Variants in ADGRB3 observed in about 807,000 individuals in gnomAD.
The protein encoded by ADGRB3 is adhesion G protein-coupled receptor B3.
A neutral mutation model predicts 193.4 loss-of-function variants in ADGRB3; 37 were observed. That is an observed-to-expected ratio of 0.19 (90% CI 0.15 to 0.25). The LOEUF (loss-of-function observed/expected upper bound fraction) is 0.25, where lower values mean the gene tolerates loss of function less well. Among genes scored for constraint, ADGRB3 ranks in the 10% least tolerant of loss-of-function variants. ADGRB3 has a pLI of 1.00. For synonymous variants in ADGRB3, 690 were observed against 644.2 expected (o/e 1.07, Z -1.08); for missense variants, 1,637 against 1,852.9 (o/e 0.88, Z 2.14).
At chr6:68,715,623 A>G (rs1277328481) in intron 3 of ADGRB3, among the ~76,000 whole-genome samples, 3 of 151,822 alleles carry the variant, frequency 2.0e-5, no homozygotes, top group Admixed American at 6.6e-5. Context: ...CAAAGTTTTG[A>G]AAGGAGGGAA....
chr6:69,281,685 GA>G (rs1767440279), intron 20 of ADGRB3, among the ~76,000 whole-genome samples: 1 of 152,162 alleles, frequency 6.6e-6, no homozygotes, highest in Admixed American at 6.5e-5. Context: ...ATCCTGCCAA[GA>G]TTCTGGAGGG....
chr6:69,295,626 A>G (rs1767799697), intron 20 of ADGRB3, among the ~76,000 whole-genome samples: 1 of 152,182 alleles, frequency 6.6e-6, no homozygotes, highest in Non-Finnish European at 1.5e-5. Context: ...AGTGAGAGGT[A>G]ACTGCACATG....
At chr6:68,737,271 T>G (rs1424641086) in intron 3 of ADGRB3, among the ~76,000 whole-genome samples, 2 of 152,236 alleles carry the variant, frequency 1.3e-5, no homozygotes, top group East Asian at 3.9e-4. Flanking sequence ...TTCATAGCAC[T>G]GAGTATTTTG....
intron 11 of ADGRB3, among the ~76,000 whole-genome samples, chr6:68,996,708 T>A (rs947452718): frequency 6.6e-6 from 1 of 152,184 alleles, no homozygotes; most frequent in Non-Finnish European, 1.5e-5. Flanking sequence ...GCCTGTGAAC[T>A]CCAAGAGCAT....
intron 17 of ADGRB3, among the ~76,000 whole-genome samples, chr6:69,098,548 G>A (rs1447536771): frequency 7.2e-5 from 11 of 152,074 alleles, no homozygotes; most frequent in Admixed American, 7.2e-4. Flanking sequence ...TACAATTATG[G>A]CAGAAGGTTA....
At position 68,684,712 on chromosome 6, in the gene ADGRB3, G is replaced by A. The variant is rs1764951960; in HGVS notation, c.757+45280G>A. 2.6e-5 allele frequency among the ~76,000 whole-genome samples: 4 copies of A among 151,976 alleles called. No individual in the cohort carries two copies. The South Asian group carries it at 8.3e-4, about 32-fold the overall frequency. On this transcript the variant is annotated intron_variant, in intron 3 of 31. Transcript: ENST00000370598. ...AAATTTCCAGAGAAATTTTGAGGAT[G>A]TGTTTATGATATACTAGCTATACAT...
In ADGRB3 at chr6:69,277,729, C is replaced by T. The variant is rs200520110; in HGVS notation, c.2814+38503C>T. 5.3e-5 allele frequency among the ~76,000 whole-genome samples: 8 copies of T among 152,196 alleles called. No individual in the cohort carries two copies. In the East Asian group the frequency reaches 9.6e-4, roughly 18 times the overall value. ...TATTATTAAGAAAAAAGAGAAATGG[C>T]GATTAAGAACACAAGCCCAGTAGTA... On this transcript the variant is annotated intron_variant, in intron 20 of 31. Transcript: ENST00000370598.
At chr6:68,884,017 TAA>T in intron 3 of ADGRB3, among the ~76,000 whole-genome samples, 1 of 150,030 alleles carries the variant, frequency 6.7e-6, no homozygotes, top group South Asian at 2.1e-4. Flanking sequence ...AAAGATATTT[TAA>T]AAAATGATTT....
At chr6:68,978,102 G>T (rs1768799747) in intron 10 of ADGRB3, among the ~76,000 whole-genome samples, 1 of 151,500 alleles carries the variant, frequency 6.6e-6, no homozygotes, top group Non-Finnish European at 1.5e-5. Context: ...GTTTTGGAAT[G>T]GAACAAATGA....
At chr6:68,845,692 A>G (rs1176384405) in intron 3 of ADGRB3, among the ~76,000 whole-genome samples, 1 of 152,164 alleles carries the variant, frequency 6.6e-6, no homozygotes, top group Non-Finnish European at 1.5e-5. Context: ...CCATGTAAGA[A>G]GTGCCTTTCA....
chr6:68,842,992 TA>T (rs1466367428), intron 3 of ADGRB3, among the ~76,000 whole-genome samples: 1 of 134,540 alleles, frequency 7.4e-6, no homozygotes, highest in East Asian at 2.0e-4. Context: ...GTAAAAAACA[TA>T]AAAAAAGCTG....
At chr6:69,345,963 A>G (rs547859298) in intron 26 of ADGRB3, among the ~76,000 whole-genome samples, 8 of 152,354 alleles carry the variant, frequency 5.3e-5, no homozygotes, top group African/African-American at 1.9e-4. Flanking sequence ...CACCAATAAT[A>G]GACAAACAGA....
chr6:69,360,092 C>A (rs1322656045), intron 28 of ADGRB3, among the ~76,000 whole-genome samples: 2 of 151,786 alleles, frequency 1.3e-5, no homozygotes, highest in Non-Finnish European at 2.9e-5. Flanking sequence ...TTTCATACTA[C>A]AAGTTATCAT....
At chr6:69,182,262 G>A (rs1217173603) in intron 17 of ADGRB3, among the ~76,000 whole-genome samples, 1 of 152,046 alleles carries the variant, frequency 6.6e-6, no homozygotes, top group African/African-American at 2.4e-5. Context: ...AAACCAGTTA[G>A]TAATGGAAAG....
chr6:69,013,577 G>A lies in ADGRB3; in HGVS notation c.1930-461G>A, dbSNP rs1239474573. 2.0e-5 allele frequency among the ~76,000 whole-genome samples: 3 copies of A among 152,060 alleles called. No individual in the cohort carries two copies. In the East Asian group the frequency reaches 5.8e-4, roughly 29 times the overall value. On this transcript the variant is annotated intron_variant, in intron 11 of 31. Coordinates refer to ENST00000370598, the MANE Select transcript of ADGRB3 (RefSeq NM_001704.3). ...GGGCAGAGTCAAGATTTCAACTGAG[G>A]GAGCCTGTCTTGCCTCCACTTTGCC...
At chr6:68,969,188 G>A (rs1325551340) in intron 8 of ADGRB3, among the ~76,000 whole-genome samples, 2 of 152,006 alleles carry the variant, frequency 1.3e-5, no homozygotes, top group African/African-American at 4.8e-5. Flanking sequence ...ATATAACCAA[G>A]TATTTTCAAT....
chr6:69,032,217 T>C (rs1028135981), intron 13 of ADGRB3, among the ~76,000 whole-genome samples: 10 of 152,210 alleles, frequency 6.6e-5, no homozygotes, highest in African/African-American at 2.4e-4. Context: ...TTCATTGTTA[T>C]TTCCGAGATA....
intron 17 of ADGRB3, among the ~76,000 whole-genome samples, chr6:69,124,812 C>T (rs538412012): frequency 1.3e-5 from 2 of 152,068 alleles, no homozygotes; most frequent in South Asian, 2.1e-4. Context: ...CTTTTCTTCA[C>T]CAAATTAATT....
At chr6:69,134,597 T>G (rs983506553) in intron 17 of ADGRB3, among the ~76,000 whole-genome samples, 1 of 151,996 alleles carries the variant, frequency 6.6e-6, no homozygotes, top group Admixed American at 6.6e-5. Flanking sequence ...TACAAGAAAT[T>G]GAAAGGATGG....
Sources: gnomAD v4.1 joint callset for allele counts (sites outside exome capture counted in the v4.1 genomes callset) on GRCh38, gnomAD v4.1.1 for gene constraint, MANE v1.5 for transcripts, NCBI Gene and HGNC (gene_info 2026-07-23, HGNC 2026-07-21) for gene names.